Variants in PBX1 observed in about 807,000 individuals in gnomAD.
PBX1 encodes the protein pre-B-cell leukemia transcription factor 1.
PBX1 carries 6 observed loss-of-function variants against 53.4 expected under a neutral mutation model. The observed-to-expected ratio is 0.11, with a 90% confidence interval of 0.06 to 0.22. The LOEUF is 0.22. Ranked by LOEUF, PBX1 falls within the 10% of genes least tolerant of loss-of-function variation. PBX1 has a pLI of 1.00. For synonymous variants in PBX1, 204 were observed against 212.3 expected (o/e 0.96, Z 0.34); for missense variants, 251 against 551.4 (o/e 0.46, Z 5.46).
chr1:164,748,413 ATCC>A lies in PBX1; in HGVS notation c.266-44076_266-44074del, dbSNP rs1666016838. ...CGGCCTCTTTGGAAAGAGGTAGCAA[ATCC>A]TCCTAATCAATTCTGATTCCTGCCG... On this transcript the variant is annotated intron_variant, in intron 2 of 8. Transcript: ENST00000420696. Among the ~76,000 whole-genome samples the A allele has an allele frequency of 3.3e-5, 5 of 152,134 alleles. No homozygotes were observed. In the South Asian group the frequency reaches 1.0e-3, roughly 32 times the overall value.
Position 164,812,079 on chromosome 1 carries a change from A to G in PBX1, c.927A>G (p.Thr309=). 6.2e-7 allele frequency: 1 copy of G among 1,613,962 alleles called. No homozygotes were observed. Among genetic ancestry groups the G allele is most frequent in the Non-Finnish European group, 8.5e-7 (1 of 1,179,884 alleles). ...QEEANIYAAK[T]AVTATNVSAH... is the part of the protein sequence containing the mutation. ...AAGCCAATATTTATGCTGCCAAAACAGCTGTCACTGCTACCAATGTGTCAG... is the reference window on the plus strand; with the variant it reads ...AAGCCAATATTTATGCTGCCAAAACGGCTGTCACTGCTACCAATGTGTCAG... The change falls in exon 6 of 9, where the codon ACA becomes ACG. Residue 309 remains threonine, a synonymous_variant. Transcript: ENST00000420696.
chr1:164,626,684 G>A (rs1658068012), intron 2 of PBX1, among the ~76,000 whole-genome samples: 1 of 152,210 alleles, frequency 6.6e-6, no homozygotes, highest in Non-Finnish European at 1.5e-5. Flanking sequence ...GAAAACTGGA[G>A]TGTAGAGAAT....
intron 2 of PBX1, among the ~76,000 whole-genome samples, chr1:164,885,012 C>G (rs565204834): frequency 2.0e-4 from 31 of 152,286 alleles, no homozygotes; most frequent in African/African-American, 7.0e-4. Flanking sequence ...TAGTGCATCT[C>G]CCCTGTACCG....
chr1:164,712,157 C>T (rs1030636159), intron 2 of PBX1, among the ~76,000 whole-genome samples: 1 of 142,200 alleles, frequency 7.0e-6, no homozygotes, highest in African/African-American at 2.6e-5. Context: ...GCGTTGGAAC[C>T]CAGGGAAGGA....
intron 2 of PBX1, among the ~76,000 whole-genome samples, chr1:164,741,177 G>A (rs1403796269): frequency 4.6e-5 from 7 of 152,120 alleles, no homozygotes; most frequent in Admixed American, 2.6e-4. Flanking sequence ...GATATAACTC[G>A]AGGATATAAC....
At chr1:164,760,241 G>T (rs1226508860) in intron 2 of PBX1, among the ~76,000 whole-genome samples, 2 of 152,108 alleles carry the variant, frequency 1.3e-5, no homozygotes, top group African/African-American at 4.8e-5. Flanking sequence ...AGAATGAGCA[G>T]CTCCATCTCC....
intron 2 of PBX1, among the ~76,000 whole-genome samples, chr1:164,617,859 A>G (rs546144320): frequency 2.3e-4 from 35 of 152,034 alleles, no homozygotes; most frequent in South Asian, 4.2e-4. Context: ...AGCAGGCTCT[A>G]TCTTTACCTC....
In PBX1 at chr1:164,605,317, G is replaced by GAAATATGACAAA. The variant is rs1349021388; in HGVS notation, c.265+42015_265+42016insAAAAAATATGAC. Reference sequence around the variant, plus strand: ...AAAATCCTTTTTTTTTTGTTTTGAAGAAATATGACTTTTGTCCTAAAATTC... The same window carrying GAAATATGACAAA: ...AAAATCCTTTTTTTTTTGTTTTGAAGAAATATGACAAAAAATATGACTTTTGTCCTAAAATTC... On this transcript the variant is annotated intron_variant, in intron 2 of 8. Coordinates refer to ENST00000420696, the MANE Select transcript of PBX1 (RefSeq NM_002585.4). 4 of 152,114 alleles carry GAAATATGACAAA rather than the reference G, an allele frequency of 2.6e-5. No homozygotes were observed. In the East Asian group the frequency reaches 5.8e-4, roughly 22 times the overall value. 9.4% of individuals were successfully genotyped at this position (152,114 alleles called of 1,614,324 possible).
At chr1:164,731,800 T>C (rs1460833544) in intron 2 of PBX1, among the ~76,000 whole-genome samples, 1 of 152,194 alleles carries the variant, frequency 6.6e-6, no homozygotes, top group Non-Finnish European at 1.5e-5. Flanking sequence ...CAGAGCCTTA[T>C]GAAGTCTGCC....
chr1:164,808,560 G>A (rs1475891054), intron 5 of PBX1, among the ~76,000 whole-genome samples: 2 of 152,212 alleles, frequency 1.3e-5, no homozygotes, highest in South Asian at 2.1e-4. Context: ...AGGGAGTAGT[G>A]AAGGCTACTG....
At chr1:164,779,042 ATTTT>A (rs11350510) in intron 2 of PBX1, among the ~76,000 whole-genome samples, 4 of 132,038 alleles carry the variant, frequency 3.0e-5, no homozygotes, top group Non-Finnish European at 1.6e-5. Flanking sequence ...AAAGGAGATA[ATTTT>A]TTTTTTTTTT....
At chr1:164,780,885 G>T (rs762337718) in intron 2 of PBX1, among the ~76,000 whole-genome samples, 1 of 152,034 alleles carries the variant, frequency 6.6e-6, no homozygotes, top group African/African-American at 2.4e-5. Flanking sequence ...TAGTATCACC[G>T]TTAGTATCAT....
intron 2 of PBX1, among the ~76,000 whole-genome samples, chr1:164,787,155 A>G (rs1668240311): frequency 1.3e-5 from 2 of 152,288 alleles, no homozygotes; most frequent in South Asian, 4.1e-4. Context: ...AACACTCTGC[A>G]TGGAGGTTTG....
At chr1:164,802,892 AGG>A (rs1669154950) in intron 4 of PBX1, among the ~76,000 whole-genome samples, 2 of 152,034 alleles carry the variant, frequency 1.3e-5, no homozygotes, top group Non-Finnish European at 1.5e-5. Flanking sequence ...TAGTTAAAAG[AGG>A]GAGAGAACTT....
intron 2 of PBX1, among the ~76,000 whole-genome samples, chr1:164,740,584 T>A (rs1184138028): frequency 6.6e-6 from 1 of 152,170 alleles, no homozygotes; most frequent in Non-Finnish European, 1.5e-5. Context: ...TTGTGTAACA[T>A]GTAGTTAGTA....
intron 2 of PBX1, among the ~76,000 whole-genome samples, chr1:164,744,038 C>T (rs563794780): frequency 1.4e-4 from 22 of 152,200 alleles, no homozygotes; most frequent in Admixed American, 1.4e-3. Flanking sequence ...AACTTATGGA[C>T]ACGATTGATT....
chr1:164,793,370 A>C (rs1668620602), intron 3 of PBX1, among the ~76,000 whole-genome samples: 1 of 152,156 alleles, frequency 6.6e-6, no homozygotes, highest in South Asian at 2.1e-4. Context: ...AGCCAGACAA[A>C]CTGGGATTCT....
intron 2 of PBX1, 111 bp from the exon 3 acceptor site, chr1:164,792,383 A>G (rs1668559397): frequency 1.3e-6 from 2 of 1,504,758 alleles, no homozygotes; most frequent in Non-Finnish European, 8.9e-7. Flanking sequence ...CTCAAATGGC[A>G]TCTTGCAAGT....
At chr1:164,639,038 A>G (rs1658961193) in intron 2 of PBX1, among the ~76,000 whole-genome samples, 1 of 152,146 alleles carries the variant, frequency 6.6e-6, no homozygotes, top group South Asian at 2.1e-4. Flanking sequence ...CCTTAGTTCA[A>G]TCCTTATCTC....
Sources: gnomAD v4.1 joint callset for allele counts (sites outside exome capture counted in the v4.1 genomes callset) on GRCh38, gnomAD v4.1.1 for gene constraint, MANE v1.5 for transcripts, NCBI Gene and HGNC (gene_info 2026-07-23, HGNC 2026-07-21) for gene names.